The following ADCY9 variants were observed in gnomAD, a reference collection of about 807,000 sequenced individuals.
ADCY9 encodes the protein adenylate cyclase 9.
ADCY9 carries 50 observed loss-of-function variants against 101.5 expected under a neutral mutation model. That is an observed-to-expected ratio of 0.49 (90% confidence interval 0.39 to 0.62). The LOEUF is 0.62. Among genes scored for constraint, ADCY9 ranks in the 20% least tolerant of loss-of-function variants. The pLI is 0.00. For missense variants in ADCY9, 1,662 were observed against 1,800.4 expected, an observed-to-expected ratio of 0.92 and a Z score of 1.39; for synonymous variants, 905 against 769.3, an observed-to-expected ratio of 1.18 and a Z score of -2.92.
intron 10 of ADCY9, among the ~76,000 whole-genome samples, chr16:3,968,174 G>A (rs534160254): frequency 2.5e-4 from 38 of 151,856 alleles, no homozygotes; most frequent in Non-Finnish European, 5.0e-4. Context: ...TTGAGACGGA[G>A]TTTTGCTCTT....
chr16:3,968,038 A>G (rs1385629312), intron 10 of ADCY9, among the ~76,000 whole-genome samples: 1 of 152,016 alleles, frequency 6.6e-6, no homozygotes, highest in East Asian at 1.9e-4. Context: ...ATGGCACTTC[A>G]GCTCTAAATA....
chr16:4,058,946 AAAG>A (rs1385609346), intron 2 of ADCY9, among the ~76,000 whole-genome samples: 4 of 152,218 alleles, frequency 2.6e-5, no homozygotes, highest in Admixed American at 2.6e-4. Flanking sequence ...ATGATTAAAG[AAAG>A]ATGATTAAAG....
chr16:4,110,007 G>A (rs890366502), intron 2 of ADCY9, among the ~76,000 whole-genome samples: 2 of 151,614 alleles, frequency 1.3e-5, no homozygotes, highest in East Asian at 3.9e-4. Flanking sequence ...CCACCTCTCC[G>A]CTCTGCCCTG....
intron 2 of ADCY9, among the ~76,000 whole-genome samples, chr16:4,028,943 C>A (rs912433612): frequency 6.6e-6 from 1 of 152,032 alleles, no homozygotes; most frequent in African/African-American, 2.4e-5. Context: ...TGCCACTGCA[C>A]GCGGCTAATT....
At chr16:4,057,038 G>GCCCCCCCCCCCC (rs375745334) in intron 2 of ADCY9, among the ~76,000 whole-genome samples, 6 of 83,560 alleles carry the variant, frequency 7.2e-5, no homozygotes, top group African/African-American at 1.0e-4. Flanking sequence ...TGATGAAACC[G>GCCCCCCCCCCCC]CCCCCCCCCC....
intron 2 of ADCY9, among the ~76,000 whole-genome samples, chr16:4,064,025 A>C (rs771416624): frequency 6.6e-5 from 10 of 152,336 alleles, no homozygotes; most frequent in Middle Eastern, 3.4e-3. Context: ...CACTAGCTCT[A>C]TATATAGAAA....
intron 6 of ADCY9, among the ~76,000 whole-genome samples, chr16:3,985,560 T>C (rs2056184843): frequency 6.6e-6 from 1 of 152,152 alleles, no homozygotes. Context: ...GCCGGGTGCA[T>C]GCATGTGATG....
At chr16:4,095,842 T>A (rs1019381984) in intron 2 of ADCY9, among the ~76,000 whole-genome samples, 6 of 151,894 alleles carry the variant, frequency 4.0e-5, no homozygotes, top group Admixed American at 3.9e-4. Context: ...ACGGGCATGA[T>A]GTTGCATGAC....
chr16:3,961,638 C>G (rs139407520), downstream of ADCY9, among the ~76,000 whole-genome samples: 1 of 152,106 alleles, frequency 6.6e-6, no homozygotes, highest in South Asian at 2.1e-4. Context: ...GCTGCACCCC[C>G]GCAAGTCCAT....
chr16:4,100,968 A>G (rs927172826), intron 2 of ADCY9, among the ~76,000 whole-genome samples: 1 of 152,202 alleles, frequency 6.6e-6, no homozygotes. Flanking sequence ...TGCCACTGCT[A>G]AGAAAATTAT....
chr16:4,005,606 A>G (rs968650851), intron 3 of ADCY9, among the ~76,000 whole-genome samples: 2 of 152,176 alleles, frequency 1.3e-5, no homozygotes, highest in Non-Finnish European at 1.5e-5. Flanking sequence ...CCAAGAAGAT[A>G]CGCTAAATGG....
intron 2 of ADCY9, among the ~76,000 whole-genome samples, chr16:4,040,827 T>C (rs550039426): frequency 1.3e-3 from 199 of 152,304 alleles, no homozygotes; most frequent in African/African-American, 4.6e-3. Context: ...ACGAGTCTTT[T>C]CACCTATTGA....
intron 2 of ADCY9, among the ~76,000 whole-genome samples, chr16:4,042,988 T>C (rs900453990): frequency 9.9e-5 from 15 of 152,132 alleles, no homozygotes; most frequent in Non-Finnish European, 1.6e-4. Flanking sequence ...TCCCAGCACT[T>C]TGGGAGGCCG....
At chr16:3,983,777 T>C (rs111317728) in intron 6 of ADCY9, 92 of 272,156 alleles carry the variant, frequency 3.4e-4, no homozygotes, top group African/African-American at 1.8e-3. Context: ...ACTTTAAAAT[T>C]AGCCAGGCAT....
At chr16:4,096,890 G>C (rs1432244191) in intron 2 of ADCY9, among the ~76,000 whole-genome samples, 4 of 151,538 alleles carry the variant, frequency 2.6e-5, no homozygotes, top group Non-Finnish European at 5.9e-5. Context: ...GCTTTGGAAG[G>C]GGGAAAAAAA....
Position 3,977,448 on chromosome 16 carries a change from A to G in ADCY9, c.2828+34T>C, listed in dbSNP as rs1467898717. 3.2e-6 allele frequency: 5 copies of G among 1,539,206 alleles called. No homozygotes were observed. The East Asian group carries it at 9.8e-5, about 30-fold the overall frequency. On this transcript the variant is annotated intron_variant, in intron 9 of 10. Coordinates refer to ENST00000294016, the MANE Select transcript of ADCY9 (RefSeq NM_001116.4). ...GCAACCTCGGGCAAGGTGGCCACGC[A>G]CCCTGGTGCCCGCAAGCAGTGCTGG... is the stretch of plus-strand genomic sequence containing the variant.
rs1405554396 is a variant in ADCY9 at position 4,097,538 on chromosome 16, T to C, written c.1693+16212A>G. 1.1e-4 allele frequency among the ~76,000 whole-genome samples: 5 copies of C among 47,294 alleles called. 1 individual carries two copies. The highest frequency in any genetic ancestry group is 1.9e-4 in the Non-Finnish European group (5 of 26,058). The allele number at this position is 47,294 out of a possible 152,430, so 31.0% of individuals were successfully genotyped here. On this transcript the variant is annotated intron_variant, in intron 2 of 10. Coordinates refer to ENST00000294016, the MANE Select transcript of ADCY9 (RefSeq NM_001116.4). ...ATAAATACATATGTACATATATATA[T>C]ATATATATATATATATTTTTTTTTT...
intron 2 of ADCY9, among the ~76,000 whole-genome samples, chr16:4,108,375 TTTTTTTTTTTTTTTTG>T (rs949964647): frequency 2.1e-5 from 3 of 140,374 alleles, no homozygotes; most frequent in African/African-American, 7.9e-5. Context: ...TTTTTTTTTT[TTTTTTTTTTTTTTTTG>T]GCGACAAAGT....
chr16:4,039,115 A>G (rs573515911), intron 2 of ADCY9, among the ~76,000 whole-genome samples: 7 of 152,172 alleles, frequency 4.6e-5, no homozygotes, highest in Non-Finnish European at 8.8e-5. Context: ...AATAGGTACT[A>G]CTACAAACTC....
Sources: allele counts gnomAD v4.1 joint callset (sites outside exome capture counted in the v4.1 genomes callset), GRCh38; gene constraint gnomAD v4.1.1; transcripts MANE v1.5; gene names NCBI Gene and HGNC (gene_info 2026-07-23, HGNC 2026-07-21).